Variants in NKAIN2 observed in about 807,000 individuals in gnomAD.
NKAIN2 encodes the protein sodium/potassium-transporting ATPase subunit beta-1-interacting protein 2.
NKAIN2 carries 14 observed loss-of-function variants against 32.6 expected under a neutral mutation model. The observed-to-expected ratio is 0.43, with a 90% CI of 0.28 to 0.67. The LOEUF (loss-of-function observed/expected upper bound fraction) is 0.67. Ranked by LOEUF, NKAIN2 falls within the 30% of genes least tolerant of loss-of-function variation. The probability of loss-of-function intolerance (pLI) is 0.17; values close to 1 mark genes in which losing one functional copy is unlikely to be tolerated. For synonymous variants in NKAIN2, 80 were observed against 87.2 expected, an observed-to-expected ratio of 0.92 and a Z score of 0.46; for missense variants, 198 against 258.3, an observed-to-expected ratio of 0.77 and a Z score of 1.60.
At chr6:123,860,862 C>G (rs1022335318) in intron 1 of NKAIN2, among the ~76,000 whole-genome samples, 2 of 152,174 alleles carry the variant, frequency 1.3e-5, no homozygotes, top group East Asian at 1.9e-4. Flanking sequence ...CACTCCCACT[C>G]AGTGTTTGCC....
intron 4 of NKAIN2, among the ~76,000 whole-genome samples, chr6:124,776,435 A>G (rs896507296): frequency 6.6e-6 from 1 of 152,112 alleles, no homozygotes; most frequent in Non-Finnish European, 1.5e-5. Flanking sequence ...GTCACTCAAT[A>G]CACTGCTTTA....
At chr6:124,446,104 A>G (rs2114608879) in intron 3 of NKAIN2, among the ~76,000 whole-genome samples, 1 of 152,244 alleles carries the variant, frequency 6.6e-6, no homozygotes, top group African/African-American at 2.4e-5. Context: ...CCTGTTCACC[A>G]AGGCATGGCA....
At chr6:124,143,387 G>C (rs956930322) in intron 1 of NKAIN2, among the ~76,000 whole-genome samples, 2 of 152,178 alleles carry the variant, frequency 1.3e-5, no homozygotes, top group African/African-American at 4.8e-5. Context: ...TTTGAGCCCA[G>C]AGTTTGAGGC....
chr6:123,843,251 A>G (rs1349472235), intron 1 of NKAIN2, among the ~76,000 whole-genome samples: 1 of 152,188 alleles, frequency 6.6e-6, no homozygotes, highest in African/African-American at 2.4e-5. Context: ...ATCAGGTCAC[A>G]CAAATGGATT....
intron 1 of NKAIN2, among the ~76,000 whole-genome samples, chr6:123,893,418 G>A (rs923240840): frequency 1.3e-5 from 2 of 152,082 alleles, no homozygotes; most frequent in Admixed American, 6.5e-5. Flanking sequence ...CCTTGCCCAG[G>A]CTGGTCTAGA....
At chr6:124,409,950 A>G (rs1171764453) in intron 3 of NKAIN2, among the ~76,000 whole-genome samples, 3 of 152,038 alleles carry the variant, frequency 2.0e-5, no homozygotes, top group African/African-American at 7.2e-5. Flanking sequence ...GAATTTATCC[A>G]TTTCTTCTAG....
At chr6:124,052,560 T>C (rs1782462569) in intron 1 of NKAIN2, among the ~76,000 whole-genome samples, 1 of 152,040 alleles carries the variant, frequency 6.6e-6, no homozygotes, top group Non-Finnish European at 1.5e-5. Flanking sequence ...ATAGAAAAGC[T>C]ACAGAAATGA....
intron 3 of NKAIN2, among the ~76,000 whole-genome samples, chr6:124,409,632 C>A (rs573379770): frequency 1.3e-5 from 2 of 152,272 alleles, no homozygotes; most frequent in African/African-American, 4.8e-5. Flanking sequence ...CAATGTTCAT[C>A]AAGGATATTG....
intron 4 of NKAIN2, among the ~76,000 whole-genome samples, chr6:124,718,243 C>A (rs1010302454): frequency 6.6e-6 from 1 of 152,234 alleles, no homozygotes; most frequent in African/African-American, 2.4e-5. Context: ...CCCATCTCTC[C>A]CTTCTCCCAT....
chr6:124,613,812 A>T (rs1782782116), intron 3 of NKAIN2, among the ~76,000 whole-genome samples: 1 of 152,302 alleles, frequency 6.6e-6, no homozygotes, highest in African/African-American at 2.4e-5. Flanking sequence ...AGAAAGGCAA[A>T]GGCTTGGTTG....
intron 1 of NKAIN2, among the ~76,000 whole-genome samples, chr6:123,865,684 T>C (rs915903120): frequency 9.2e-5 from 14 of 152,226 alleles, no homozygotes; most frequent in African/African-American, 3.4e-4. Context: ...GATGGTTTAA[T>C]ATGTACTAGT....
intron 1 of NKAIN2, among the ~76,000 whole-genome samples, chr6:124,028,695 A>ATACACGTGTATATATACG (rs1562316907): frequency 5.0e-4 from 75 of 149,748 alleles, no homozygotes; most frequent in African/African-American, 1.8e-3. Flanking sequence ...GTTTATATAC[A>ATACACGTGTATATATACG]TGTATACACG....
At chr6:123,932,706 C>T (rs554780851) in intron 1 of NKAIN2, among the ~76,000 whole-genome samples, 21 of 151,746 alleles carry the variant, frequency 1.4e-4, no homozygotes, top group African/African-American at 2.9e-4. Flanking sequence ...CGTGAGCCAC[C>T]GCGCCCAGCC....
chr6:124,261,929 T>C (rs1794272483), intron 1 of NKAIN2, among the ~76,000 whole-genome samples: 1 of 152,060 alleles, frequency 6.6e-6, no homozygotes, highest in Non-Finnish European at 1.5e-5. Context: ...TTTTTTTCTC[T>C]TCAGGCTGGG....
intron 1 of NKAIN2, among the ~76,000 whole-genome samples, chr6:123,859,112 ATAAT>A (rs1261690501): frequency 1.3e-5 from 2 of 152,222 alleles, no homozygotes; most frequent in African/African-American, 4.8e-5. Context: ...TATACAACTA[ATAAT>A]TAATTAATGA....
intron 3 of NKAIN2, among the ~76,000 whole-genome samples, chr6:124,444,899 T>C (rs1775828657): frequency 6.6e-6 from 1 of 152,008 alleles, no homozygotes; most frequent in African/African-American, 2.4e-5. Flanking sequence ...TGCTGAAGGA[T>C]GTATGTACAG....
chr6:124,301,503 C>T (rs1256348512), intron 2 of NKAIN2, among the ~76,000 whole-genome samples: 3 of 152,150 alleles, frequency 2.0e-5, no homozygotes, highest in Non-Finnish European at 2.9e-5. Flanking sequence ...CAATGGTAGA[C>T]CCACTGACAG....
intron 4 of NKAIN2, among the ~76,000 whole-genome samples, chr6:124,785,786 C>T (rs1175651652): frequency 6.6e-6 from 1 of 152,146 alleles, no homozygotes; most frequent in Non-Finnish European, 1.5e-5. Context: ...GGACTGGCCT[C>T]AGTACTGCTG....
At chr6:124,641,325 T>C (rs911483334) in intron 3 of NKAIN2, among the ~76,000 whole-genome samples, 1 of 152,016 alleles carries the variant, frequency 6.6e-6, no homozygotes, top group Non-Finnish European at 1.5e-5. Flanking sequence ...ACATAAAACA[T>C]TTATCTGGAC....
Sources: allele counts gnomAD v4.1 joint callset (sites outside exome capture counted in the v4.1 genomes callset), GRCh38; gene constraint gnomAD v4.1.1; transcripts MANE v1.5; gene names NCBI Gene and HGNC (gene_info 2026-07-23, HGNC 2026-07-21).